CLASRP: variants seen among roughly 807,000 people sequenced by gnomAD.
The protein encoded by CLASRP is CLK4 associating serine/arginine rich protein.
Under a neutral mutation model 99.9 loss-of-function variants are expected in CLASRP, and 52 were observed. The ratio of observed to expected loss-of-function variants is 0.52; its 90% CI spans 0.42 to 0.66. The LOEUF (loss-of-function observed/expected upper bound fraction) is 0.66. Ranked by LOEUF, CLASRP falls within the 30% of genes least tolerant of loss-of-function variation. The probability of loss-of-function intolerance (pLI) is 0.00; values close to 1 mark genes in which losing one functional copy is unlikely to be tolerated. For synonymous variants in CLASRP, 379 were observed against 373.0 expected, an observed-to-expected ratio of 1.02 and a Z score of -0.18; for missense variants, 848 against 999.2, an observed-to-expected ratio of 0.85 and a Z score of 2.04.
rs146382036 is a variant in CLASRP, at chr19:45,040,132, C to A, written c.-29-52C>A. On this transcript the variant is annotated intron_variant, in intron 1 of 20. Transcript: ENST00000221455. The stretch of plus-strand genomic sequence containing the variant: ...AACTTGTTAGATGACTTTGATTCTG[C>A]CCATACGGGTTTCACAGACCATCTG... 1,151 of 967,398 alleles carry A rather than the reference C, an allele frequency of 1.2e-3. 10 individuals are homozygous for A. In the East Asian group the frequency reaches 0.022, roughly 18 times the overall value. 59.9% of individuals were successfully genotyped at this position (967,398 alleles called of 1,614,324 possible). A position where few individuals can be genotyped will look rare whatever the true frequency, so the allele number is the denominator to read the frequency against.
rs748646832 is a variant in CLASRP at position 45,064,397 on chromosome 19, CCGCTCCAGCTCT to C, written c.1188_1199del (p.Ser399_Ser402del). 7.3e-5 allele frequency: 112 copies of C among 1,531,650 alleles called. No individual in the cohort carries two copies. In the East Asian group the frequency reaches 9.1e-4, roughly 12 times the overall value. The allele number at this position is 1,531,650 out of a possible 1,614,324, so 94.9% of individuals were successfully genotyped here. A position where few individuals can be genotyped will look rare whatever the true frequency, so the allele number is the denominator to read the frequency against. On this transcript the variant is annotated inframe_deletion, in exon 13 of 21. Coordinates refer to ENST00000221455, the MANE Select transcript of CLASRP (RefSeq NM_007056.3). Reference sequence around the variant, plus strand: ...CTTCTGCCTCGAGGACCTCCAGCTCCCGCTCCAGCTCTCGCTCCAGCTCCCGCTCTCGCCGTG... The same window carrying C: ...CTTCTGCCTCGAGGACCTCCAGCTCCCGCTCCAGCTCCCGCTCTCGCCGTG...
At chr19:45,040,371 A>G in intron 2 of CLASRP, 60 bp downstream of exon 2, 1 of 1,188,374 alleles carries the variant, frequency 8.4e-7, no homozygotes, top group Non-Finnish European at 1.2e-6. Context: ...ACAGCTGGTC[A>G]TCCTGGTAAA....
chr19:45,069,294 G>C (rs1174630434), intron 18 of CLASRP, 46 bp downstream of exon 18: 3 of 1,590,824 alleles, frequency 1.9e-6, no homozygotes, highest in Non-Finnish European at 2.6e-6. Context: ...CTCCTGGCCT[G>C]CCTGGCCTTC....
At chr19:45,059,470 C>T (rs1966890101) in intron 8 of CLASRP, 106 bp downstream of exon 8, 3 of 969,578 alleles carry the variant, frequency 3.1e-6, no homozygotes, top group Admixed American at 2.0e-5. Flanking sequence ...CATTTGTGTG[C>T]CTGGCCCTGG....
At chr19:45,066,604 G>A (rs1002894640) in intron 13 of CLASRP, among the ~76,000 whole-genome samples, 3 of 123,758 alleles carry the variant, frequency 2.4e-5, no homozygotes, top group African/African-American at 6.4e-5. Context: ...CAGCCTGGGC[G>A]ACAGAGAGAG....
chr19:45,054,376 A>ACCATCCCG (rs1230105741), intron 5 of CLASRP, among the ~76,000 whole-genome samples: 2 of 152,122 alleles, frequency 1.3e-5, no homozygotes, highest in African/African-American at 2.4e-5. Context: ...CAGCCTCCCA[A>ACCATCCCG]GTAGCTGGGA....
intron 13 of CLASRP, among the ~76,000 whole-genome samples, chr19:45,064,833 T>C (rs1967046459): frequency 6.6e-6 from 1 of 152,168 alleles, no homozygotes. Flanking sequence ...CGCGTTCTGG[T>C]GGCAGTGGAG....
rs1055422569 is a variant in CLASRP, at chr19:45,064,402, C to G, written c.1181C>G (p.Ser394Cys). ...SSASRTSSSR[S>C]SSRSSSRSRR... ...GCCTCGAGGACCTCCAGCTCCCGCT[C>G]CAGCTCTCGCTCCAGCTCCCGCTCT... is the stretch of plus-strand genomic sequence containing the variant. Residue 394 changes from serine (S) to cysteine (C), a missense_variant, in exon 13 of 21, where the codon TCC (serine) becomes TGC (cysteine). Coordinates refer to ENST00000221455, the MANE Select transcript of CLASRP (RefSeq NM_007056.3). 7.8e-6 allele frequency: 12 copies of G among 1,530,482 alleles called. No homozygotes were observed. Among genetic ancestry groups the G allele is most frequent in the African/African-American group, 4.1e-5 (3 of 72,810 alleles). The allele number at this position is 1,530,482 out of a possible 1,614,324, so 94.8% of individuals were successfully genotyped here. A position where few individuals can be genotyped will look rare whatever the true frequency, so the allele number is the denominator to read the frequency against.
intron 13 of CLASRP, among the ~76,000 whole-genome samples, chr19:45,065,971 G>A (rs1279965540): frequency 6.6e-6 from 1 of 152,174 alleles, no homozygotes; most frequent in Non-Finnish European, 1.5e-5. Flanking sequence ...AGGTAAAGTA[G>A]AGGGGCCAGG....
intron 5 of CLASRP, among the ~76,000 whole-genome samples, chr19:45,054,164 G>C (rs2122560674): frequency 6.6e-6 from 1 of 152,320 alleles, no homozygotes; most frequent in East Asian, 1.9e-4. Flanking sequence ...GGGAGGTTTG[G>C]ATCCCAACAG....
chr19:45,059,475 C>T (rs1229569709), intron 8 of CLASRP, 111 bp downstream of exon 8: 15 of 932,578 alleles, frequency 1.6e-5, no homozygotes, highest in Non-Finnish European at 2.3e-5. Flanking sequence ...GTGTGCCTGG[C>T]CCTGGGCCCA....
intron 5 of CLASRP, among the ~76,000 whole-genome samples, chr19:45,053,645 G>T (rs570528499): frequency 6.6e-6 from 1 of 152,042 alleles, no homozygotes; most frequent in African/African-American, 2.4e-5. Context: ...CCCCCAGTTA[G>T]TTTTTTGTAT....
chr19:45,047,193 T>C (rs1971934668), intron 2 of CLASRP, among the ~76,000 whole-genome samples: 2 of 152,134 alleles, frequency 1.3e-5, no homozygotes, highest in South Asian at 4.1e-4. Flanking sequence ...TATTCAATCT[T>C]AAAAAAGAAA....
intron 6 of CLASRP, 128 bp downstream of exon 6, chr19:45,056,662 C>G: frequency 2.6e-6 from 2 of 756,252 alleles, no homozygotes; most frequent in Middle Eastern, 3.7e-4. Flanking sequence ...AGCACACAGT[C>G]AGTGCTCAAT....
At chr19:45,039,452 C>G (rs995708913) in intron 1 of CLASRP, 1 of 152,392 alleles carries the variant, frequency 6.6e-6, no homozygotes, top group Non-Finnish European at 1.5e-5. Context: ...CGCCCTTTCC[C>G]GCAAGCCCTG....
At position 45,064,585 on chromosome 19, in the gene CLASRP, G is replaced by C. The variant is rs769656176; in HGVS notation, c.1364G>C (p.Arg455Pro). 1.0e-5 allele frequency: 16 copies of C among 1,544,270 alleles called. No individual in the cohort carries two copies. In the East Asian group the frequency reaches 3.6e-4, roughly 35 times the overall value. ...TCCCGAGACGGACACCGGTACTCCC[G>C]CTCGCCCGCCCGGCGTGGTGGTTAC... ...GGSRDGHRYS[R>P]SPARRGGYGP... The change falls in exon 13 of 21, where the codon CGC (arginine) becomes CCC (proline). Residue 455 changes from arginine to proline, a missense_variant. Coordinates refer to ENST00000221455, the MANE Select transcript of CLASRP (RefSeq NM_007056.3).
Position 45,044,472 on chromosome 19 carries a change from T to C in CLASRP, c.99+4161T>C, listed in dbSNP as rs142266175. ...CGGAGATACGTGGCTTACAGTCACA[T>C]AGCATGAGGGCAGAGCTGGCACTAT... On this transcript the variant is annotated intron_variant, in intron 2 of 20. Coordinates refer to ENST00000221455, the MANE Select transcript of CLASRP (RefSeq NM_007056.3). Among the ~76,000 whole-genome samples the C allele has an allele frequency of 3.7e-3, 567 of 152,216 alleles. 2 individuals carry two copies. Among genetic ancestry groups the C allele is most frequent in the African/African-American group, 0.013 (539 of 41,546 alleles).
intron 2 of CLASRP, among the ~76,000 whole-genome samples, chr19:45,049,651 A>G (rs1971985307): frequency 6.6e-6 from 1 of 152,140 alleles, no homozygotes; most frequent in Admixed American, 6.6e-5. Context: ...AGGAGCTTGG[A>G]AACTTGGAGC....
chr19:45,052,470 C>T (rs1277866940), intron 3 of CLASRP, among the ~76,000 whole-genome samples: 1 of 152,084 alleles, frequency 6.6e-6, no homozygotes, highest in Non-Finnish European at 1.5e-5. Context: ...CTCAGGGTGC[C>T]TGGGGCCCGC....
Sources: allele counts gnomAD v4.1 joint callset (sites outside exome capture counted in the v4.1 genomes callset), GRCh38; gene constraint gnomAD v4.1.1; transcripts MANE v1.5; gene names NCBI Gene and HGNC (gene_info 2026-07-23, HGNC 2026-07-21).